The following VRK2 variants were observed in gnomAD, a reference collection of about 807,000 sequenced individuals.
VRK2 encodes the protein VRK serine/threonine kinase 2.
A neutral mutation model predicts 57.6 loss-of-function variants in VRK2; 60 were observed. The ratio of observed to expected loss-of-function variants is 1.04; its 90% CI spans 0.85 to 1.29. The LOEUF is 1.29. Ranked by LOEUF, VRK2 falls within the 50% of genes most tolerant of loss-of-function variation. The pLI is 0.00. For missense variants in VRK2, 705 were observed against 588.1 expected (o/e 1.20, Z -2.06); for synonymous variants, 231 against 199.2 (o/e 1.16, Z -1.35).
intron 1 of VRK2, among the ~76,000 whole-genome samples, chr2:57,952,026 T>A (rs1455686876): frequency 6.6e-6 from 1 of 151,198 alleles, no homozygotes; most frequent in Non-Finnish European, 1.5e-5. Context: ...CCTGAGTAGC[T>A]GAGATTACTG....
rs536100324 is a variant in VRK2 at position 57,962,745 on chromosome 2, A to C, written c.-439+54906A>C. ...TTAAAATTTCTTATGGCAGAAATGTAAGAAAAAGATGGATAAATAAAATTC... is the reference window on the plus strand; with the variant it reads ...TTAAAATTTCTTATGGCAGAAATGTCAGAAAAAGATGGATAAATAAAATTC... On this transcript the variant is annotated intron_variant, in intron 1 of 15. Coordinates refer to the VRK2 transcript ENST00000417641. Among the ~76,000 whole-genome samples, 3 of 152,340 alleles carry C rather than the reference A, an allele frequency of 2.0e-5. No homozygotes were observed. The South Asian group carries it at 6.2e-4, about 32-fold the overall frequency.
intron 7 of VRK2, among the ~76,000 whole-genome samples, chr2:58,114,444 A>G (rs374026165): frequency 6.6e-6 from 1 of 152,206 alleles, no homozygotes; most frequent in Non-Finnish European, 1.5e-5. Flanking sequence ...TTTGGGGCAC[A>G]GTCTAAGTTG....
At chr2:58,026,982 G>A (rs190200893) in intron 2 of VRK2, 10 of 151,628 alleles carry the variant, frequency 6.6e-5, no homozygotes, top group Middle Eastern at 3.2e-3. Context: ...ACCTCCCAAA[G>A]TGCTGGGATT....
At chr2:57,990,735 C>G (rs2104080502) in intron 1 of VRK2, among the ~76,000 whole-genome samples, 1 of 152,200 alleles carries the variant, frequency 6.6e-6, no homozygotes, top group South Asian at 2.1e-4. Context: ...AGAAGTATAT[C>G]TTACATTTCA....
chr2:57,922,001 T>C (rs1670365409), intron 1 of VRK2, among the ~76,000 whole-genome samples: 1 of 152,072 alleles, frequency 6.6e-6, no homozygotes, highest in Non-Finnish European at 1.5e-5. Flanking sequence ...CAGCCTCTAG[T>C]TTTAGTATCC....
chr2:57,981,887 T>G (rs1672433785), intron 1 of VRK2, among the ~76,000 whole-genome samples: 1 of 152,228 alleles, frequency 6.6e-6, no homozygotes, highest in Admixed American at 6.5e-5. Flanking sequence ...GTCTATCATT[T>G]CAGCCATTTT....
At chr2:58,122,271 G>C (rs573879380) in intron 7 of VRK2, among the ~76,000 whole-genome samples, 1 of 152,250 alleles carries the variant, frequency 6.6e-6, no homozygotes, top group East Asian at 1.9e-4. Flanking sequence ...GACAATGCCA[G>C]GGTTAGGGGT....
At chr2:58,003,729 T>C (rs1178781231) in intron 1 of VRK2, among the ~76,000 whole-genome samples, 2 of 152,182 alleles carry the variant, frequency 1.3e-5, no homozygotes, top group Non-Finnish European at 2.9e-5. Context: ...CTTCTCATCA[T>C]ATACCATGGT....
intron 1 of VRK2, among the ~76,000 whole-genome samples, chr2:57,937,225 C>T (rs1670942857): frequency 6.6e-6 from 1 of 152,192 alleles, no homozygotes; most frequent in South Asian, 2.1e-4. Context: ...TTCTTCATTG[C>T]TTTGGGGACC....
chr2:58,003,902 C>A (rs1673163995), intron 1 of VRK2, among the ~76,000 whole-genome samples: 1 of 152,078 alleles, frequency 6.6e-6, no homozygotes, highest in Non-Finnish European at 1.5e-5. Context: ...ACTGTTAAAT[C>A]TTGTCACTGA....
At chr2:58,014,787 T>C (rs542832884) in intron 1 of VRK2, among the ~76,000 whole-genome samples, 2 of 152,264 alleles carry the variant, frequency 1.3e-5, no homozygotes, top group South Asian at 4.1e-4. Flanking sequence ...GTTAGTTTTA[T>C]AAAAAAGAGA....
upstream of VRK2, among the ~76,000 whole-genome samples, chr2:58,045,250 G>C (rs1056030525): frequency 5.3e-5 from 8 of 152,200 alleles, no homozygotes; most frequent in African/African-American, 1.9e-4. Flanking sequence ...CCAGAATGCA[G>C]GTAAGGGTGC....
chr2:57,991,218 C>CT (rs1359575902), intron 1 of VRK2, among the ~76,000 whole-genome samples: 1 of 152,082 alleles, frequency 6.6e-6, no homozygotes, highest in Non-Finnish European at 1.5e-5. Context: ...AGTACCTTTA[C>CT]TTACACATCC....
intron 1 of VRK2, among the ~76,000 whole-genome samples, chr2:58,007,217 C>T (rs199689309): frequency 7.1e-6 from 1 of 141,506 alleles, no homozygotes; most frequent in Non-Finnish European, 1.6e-5. Context: ...TCTCTCTCTC[C>T]CTCTCTCTCT....
intron 1 of VRK2, among the ~76,000 whole-genome samples, chr2:57,925,873 A>G (rs1024715878): frequency 6.6e-6 from 1 of 151,840 alleles, no homozygotes; most frequent in African/African-American, 2.4e-5. Context: ...ATAGCTATAA[A>G]CTTTCCTCTT....
At chr2:58,030,484 C>G (rs1038242254) in intron 2 of VRK2, among the ~76,000 whole-genome samples, 6 of 151,946 alleles carry the variant, frequency 3.9e-5, no homozygotes, top group Non-Finnish European at 1.5e-5. Context: ...TACCTCGTTT[C>G]CTCTCACAAT....
intron 1 of VRK2, among the ~76,000 whole-genome samples, chr2:57,956,196 CA>C (rs1304165739): frequency 2.6e-5 from 4 of 151,956 alleles, no homozygotes; most frequent in Admixed American, 6.6e-5. Flanking sequence ...GCCTGAGCAA[CA>C]TAGCAAGGCT....
At chr2:58,053,663 A>C (rs3771204) in intron 2 of VRK2, among the ~76,000 whole-genome samples, 10,571 of 152,238 alleles carry the variant, frequency 0.069, 446 homozygotes, top group Non-Finnish European at 0.094. Flanking sequence ...AGTTTAGAAG[A>C]GCCCAGTGAT....
intron 1 of VRK2, among the ~76,000 whole-genome samples, chr2:57,970,223 CATAT>C (rs1210180143): frequency 1.3e-5 from 2 of 148,908 alleles, no homozygotes; most frequent in Non-Finnish European, 3.0e-5. Context: ...TATATATACA[CATAT>C]ATATTCACAT....
Sources: gnomAD v4.1 joint callset for allele counts (sites outside exome capture counted in the v4.1 genomes callset) on GRCh38, gnomAD v4.1.1 for gene constraint, MANE v1.5 for transcripts, NCBI Gene and HGNC (gene_info 2026-07-23, HGNC 2026-07-21) for gene names.